The following RBFOX3 variants were observed in gnomAD, a reference collection of about 807,000 sequenced individuals.
RBFOX3 encodes RNA binding fox-1 homolog 3.
In RBFOX3, 17 loss-of-function variants were observed where a neutral mutation model predicts 48.7. That is an observed-to-expected ratio of 0.35 (90% CI 0.24 to 0.52). The LOEUF (loss-of-function observed/expected upper bound fraction) is 0.52. RBFOX3 is among the 20% of genes least tolerant of loss of function. The pLI is 0.94. For missense variants in RBFOX3, 382 were observed against 497.5 expected (o/e 0.77, Z 2.21); for synonymous variants, 212 against 209.5 (o/e 1.01, Z -0.10).
At chr17:79,373,678 C>A (rs763116342) in intron 2 of RBFOX3, among the ~76,000 whole-genome samples, 2 of 151,962 alleles carry the variant, frequency 1.3e-5, no homozygotes, top group Non-Finnish European at 2.9e-5. Flanking sequence ...GAGTTCCACA[C>A]GGCTGCTTTC....
chr17:79,588,735 T>C (rs1413825855), intron 1 of RBFOX3, among the ~76,000 whole-genome samples: 1 of 146,120 alleles, frequency 6.8e-6, no homozygotes, highest in Non-Finnish European at 1.5e-5. Flanking sequence ...GACCCCATCC[T>C]GAGCTTGGAC....
At chr17:79,203,314 G>A (rs2057035527) in intron 4 of RBFOX3, among the ~76,000 whole-genome samples, 1 of 137,062 alleles carries the variant, frequency 7.3e-6, no homozygotes, top group East Asian at 2.1e-4. Flanking sequence ...CTGTGGCAGT[G>A]GTTTGAGGGT....
intron 2 of RBFOX3, among the ~76,000 whole-genome samples, chr17:79,463,034 ACCATCGCCACTGCCACCTCCACCG>A (rs1366327988): frequency 4.3e-5 from 5 of 117,646 alleles, no homozygotes; most frequent in African/African-American, 1.2e-4. Flanking sequence ...CACCTCCACC[ACCATCGCCACTGCCACCTCCACCG>A]CCATCGCCAC....
intron 2 of RBFOX3, among the ~76,000 whole-genome samples, chr17:79,383,586 A>G (rs1192101804): frequency 5.3e-5 from 8 of 152,306 alleles, no homozygotes; most frequent in Admixed American, 3.9e-4. Flanking sequence ...TCCTGCCCCA[A>G]CGTGTGGAAA....
chr17:79,587,341 G>T (rs2144978974), intron 1 of RBFOX3, among the ~76,000 whole-genome samples: 1 of 152,330 alleles, frequency 6.6e-6, no homozygotes, highest in Non-Finnish European at 1.5e-5. Context: ...GCTCCATGGA[G>T]CCAAGGCAGC....
At chr17:79,509,758 G>A (rs2083826559) in intron 1 of RBFOX3, among the ~76,000 whole-genome samples, 1 of 152,050 alleles carries the variant, frequency 6.6e-6, no homozygotes, top group South Asian at 2.1e-4. Context: ...GGTGAGGGCT[G>A]GGAGCTCCGG....
intron 2 of RBFOX3, among the ~76,000 whole-genome samples, chr17:79,324,300 CA>C (rs1330304833): frequency 6.6e-6 from 1 of 152,234 alleles, no homozygotes; most frequent in Non-Finnish European, 1.5e-5. Flanking sequence ...AGCAATCTGC[CA>C]TGGCCCAGTG....
the RBFOX3 span, among the ~76,000 whole-genome samples, chr17:79,626,610 T>G: frequency 6.6e-6 from 1 of 152,178 alleles, no homozygotes; most frequent in African/African-American, 2.4e-5. Flanking sequence ...AGACCACGCC[T>G]CCCGGGCTGG....
intron 2 of RBFOX3, among the ~76,000 whole-genome samples, chr17:79,309,116 A>AAC (rs1555660160): frequency 2.6e-5 from 4 of 151,560 alleles, no homozygotes; most frequent in African/African-American, 7.3e-5. Context: ...CAAAAAAAAA[A>AAC]AAAACTAAAT....
chr17:79,387,698 G>A (rs2060750607), intron 2 of RBFOX3, among the ~76,000 whole-genome samples: 1 of 152,196 alleles, frequency 6.6e-6, no homozygotes, highest in Non-Finnish European at 1.5e-5. Context: ...GTGCAGTGGG[G>A]CCACTTCTTT....
At chr17:79,636,746 G>GA in the RBFOX3 span, among the ~76,000 whole-genome samples, 1 of 151,556 alleles carries the variant, frequency 6.6e-6, no homozygotes, top group South Asian at 2.1e-4. Flanking sequence ...CAGGAAGAAA[G>GA]AAAAAAAGGA....
At chr17:79,620,559 G>A in the RBFOX3 span, among the ~76,000 whole-genome samples, 2 of 133,790 alleles carry the variant, frequency 1.5e-5, no homozygotes, top group South Asian at 2.5e-4. Flanking sequence ...GCACACATGT[G>A]CACACCCGCG....
intron 2 of RBFOX3, among the ~76,000 whole-genome samples, chr17:79,451,852 C>T (rs1340374020): frequency 3.3e-5 from 5 of 152,244 alleles, no homozygotes; most frequent in African/African-American, 1.2e-4. Flanking sequence ...GGGCCTAGTG[C>T]CCAAGGGATC....
chr17:79,298,941 C>T (rs142408998), intron 3 of RBFOX3, among the ~76,000 whole-genome samples: 53 of 152,154 alleles, frequency 3.5e-4, no homozygotes, highest in African/African-American at 1.2e-3. Context: ...GCTGGTGGCA[C>T]GATCCATCAG....
the RBFOX3 span, among the ~76,000 whole-genome samples, chr17:79,620,611 GCA>G: frequency 3.4e-5 from 4 of 118,854 alleles, no homozygotes; most frequent in African/African-American, 1.0e-4. Flanking sequence ...ACGCACACAT[GCA>G]CACACGCACA....
chr17:79,232,569 T>C (rs528705145), intron 4 of RBFOX3, among the ~76,000 whole-genome samples: 1 of 152,332 alleles, frequency 6.6e-6, no homozygotes, highest in East Asian at 1.9e-4. Context: ...AATGAAATCA[T>C]TGGACATCCA....
chr17:79,118,968 C>A (rs2034906459), intron 4 of RBFOX3, among the ~76,000 whole-genome samples: 1 of 145,098 alleles, frequency 6.9e-6, no homozygotes, highest in African/African-American at 2.6e-5. Context: ...AGAGGAAACC[C>A]CTGTCTCAAA....
intron 5 of RBFOX3, among the ~76,000 whole-genome samples, chr17:79,107,494 G>A (rs1310707435): frequency 6.6e-6 from 1 of 152,266 alleles, no homozygotes; most frequent in Non-Finnish European, 1.5e-5. Flanking sequence ...GAAGGCAGGG[G>A]TGTCGCCCGA....
chr17:79,584,814 G>A (rs962966753), intron 1 of RBFOX3, among the ~76,000 whole-genome samples: 48 of 151,864 alleles, frequency 3.2e-4, no homozygotes, highest in African/African-American at 1.1e-3. Context: ...CGCCCAGGCT[G>A]GAGTGCAGTG....
Sources: gnomAD v4.1 joint callset for allele counts (sites outside exome capture counted in the v4.1 genomes callset) on GRCh38, gnomAD v4.1.1 for gene constraint, MANE v1.5 for transcripts, NCBI Gene and HGNC (gene_info 2026-07-23, HGNC 2026-07-21) for gene names.